The following ENPP6 variants were observed in gnomAD, a reference collection of about 807,000 sequenced individuals.
ENPP6 encodes glycerophosphocholine cholinephosphodiesterase ENPP6.
Under a neutral mutation model 42.0 loss-of-function variants are expected in ENPP6, and 32 were observed. The observed-to-expected ratio is 0.76, with a 90% CI of 0.58 to 1.02. ENPP6 has a LOEUF of 1.02. Ranked by LOEUF, ENPP6 falls within the 50% of genes least tolerant of loss-of-function variation. The pLI, the probability that ENPP6 is intolerant of heterozygous loss-of-function variation, is 0.00. For missense variants in ENPP6, 552 were observed against 566.8 expected (o/e 0.97, Z 0.27); for synonymous variants, 213 against 216.0 (o/e 0.99, Z 0.12).
chr4:184,112,426 GT>G (rs1385937063), intron 6 of ENPP6, among the ~76,000 whole-genome samples: 2 of 152,156 alleles, frequency 1.3e-5, no homozygotes, highest in Non-Finnish European at 2.9e-5. Flanking sequence ...GTTAATGCCC[GT>G]TTGTTAAAAC....
intron 1 of ENPP6, among the ~76,000 whole-genome samples, chr4:184,211,651 C>T (rs1253176394): frequency 6.6e-6 from 1 of 152,036 alleles, no homozygotes; most frequent in Non-Finnish European, 1.5e-5. Context: ...CTGAATTCTA[C>T]CAGAGGTACA....
chr4:184,141,204 C>T lies in ENPP6; in HGVS notation c.421+12350G>A, dbSNP rs573849685. On this transcript the variant is annotated intron_variant, in intron 2 of 7. Transcript: ENST00000296741. Reference sequence around the variant, plus strand: ...CTGGAGGGGGAGTGTTGTGTGAATCCCAGGAGGCAGCTGTCTAATCAGGAG... The same window carrying T: ...CTGGAGGGGGAGTGTTGTGTGAATCTCAGGAGGCAGCTGTCTAATCAGGAG... Among the ~76,000 whole-genome samples, 112 of 152,138 alleles carry T rather than the reference C, an allele frequency of 7.4e-4. 1 individual carries two copies. Among genetic ancestry groups the T allele is most frequent in the African/African-American group, 2.5e-3 (105 of 41,518 alleles).
chr4:184,131,226 CTT>C lies in ENPP6; in HGVS notation c.422-6956_422-6955del, dbSNP rs1185390395. 6.3e-4 allele frequency among the ~76,000 whole-genome samples: 43 copies of C among 68,554 alleles called. 2 individuals are homozygous for C. Among genetic ancestry groups the C allele is most frequent in the Admixed American group, 4.7e-3 (34 of 7,160 alleles). The allele number at this position is 68,554 out of a possible 152,430, so 45.0% of individuals were successfully genotyped here. On this transcript the variant is annotated intron_variant, in intron 2 of 7. Coordinates refer to ENST00000296741, the MANE Select transcript of ENPP6 (RefSeq NM_153343.4). ...CTTCTTTCTTTCTTTCTTTTTCTTT[CTT>C]TCTTTCCTTTTCTTTCTTTCTTTCT...
chr4:184,205,705 G>C (rs1229322472), intron 1 of ENPP6, among the ~76,000 whole-genome samples: 1 of 148,206 alleles, frequency 6.7e-6, no homozygotes, highest in East Asian at 1.9e-4. Flanking sequence ...CAGCGAGAGG[G>C]AGCTGGAGTA....
intron 1 of ENPP6, among the ~76,000 whole-genome samples, chr4:184,179,684 G>A (rs1732519749): frequency 6.7e-6 from 1 of 149,294 alleles, no homozygotes; most frequent in Non-Finnish European, 1.5e-5. Flanking sequence ...TCAGACAACA[G>A]CACAATCAAA....
At chr4:184,097,152 A>G in intron 7 of ENPP6, 93 bp downstream of exon 7, 5 of 1,554,646 alleles carry the variant, frequency 3.2e-6, no homozygotes, top group Non-Finnish European at 3.5e-6. Flanking sequence ...TCTGTAAGGA[A>G]ATCCCTGCAG....
intron 5 of ENPP6, among the ~76,000 whole-genome samples, chr4:184,113,758 A>C (rs1736253073): frequency 6.6e-6 from 1 of 152,192 alleles, no homozygotes; most frequent in Admixed American, 6.5e-5. Flanking sequence ...ATGAAGATGC[A>C]AACTTTGTAC....
intron 1 of ENPP6, among the ~76,000 whole-genome samples, chr4:184,172,917 T>G (rs1737493293): frequency 3.3e-5 from 5 of 152,078 alleles, no homozygotes; most frequent in South Asian, 2.1e-4. Context: ...GTTTGTTTGT[T>G]TGTGTGTTTT....
chr4:184,112,999 A>C lies in ENPP6; in HGVS notation c.856-190T>G, dbSNP rs369387797. Among the ~76,000 whole-genome samples the C allele has an allele frequency of 4.6e-5, 7 of 152,364 alleles. No homozygotes were observed. In the East Asian group the frequency reaches 1.2e-3, roughly 25 times the overall value. ...AAAAGCAAGGTGGCTTCATCCAGGA[A>C]GGCTGAAGATCCTCACACTCTCTCA... On this transcript the variant is annotated intron_variant, in intron 5 of 7. Coordinates refer to ENST00000296741, the MANE Select transcript of ENPP6 (RefSeq NM_153343.4).
At chr4:184,179,185 A>G (rs1245214925) in intron 1 of ENPP6, among the ~76,000 whole-genome samples, 3 of 152,238 alleles carry the variant, frequency 2.0e-5, no homozygotes, top group Non-Finnish European at 2.9e-5. Context: ...AGGAAAATTT[A>G]CCAACCAAAT....
rs1198777455 is a variant in ENPP6 at position 184,095,074 on chromosome 4, A to G, written c.1117+2171T>C. 1.3e-5 allele frequency among the ~76,000 whole-genome samples: 2 copies of G among 152,254 alleles called. 1 individual carries two copies. The highest frequency in any genetic ancestry group is 2.9e-5 in the Non-Finnish European group (2 of 68,044). On this transcript the variant is annotated intron_variant, in intron 7 of 7. Transcript: ENST00000296741. Reference sequence around the variant, plus strand: ...TCTTCTCAGTAAACAGCCAGTGTGTAAAGCTGTTTAATCTTTCATGAGAAC... The same window carrying G: ...TCTTCTCAGTAAACAGCCAGTGTGTGAAGCTGTTTAATCTTTCATGAGAAC...
chr4:184,127,825 A>G (rs6825330), intron 2 of ENPP6, among the ~76,000 whole-genome samples: 102,915 of 152,052 alleles, frequency 0.68, 35,139 homozygotes, highest in African/African-American at 0.73. Flanking sequence ...AAAATATTTT[A>G]TGGAAGAATA....
At chr4:184,111,108 C>G (rs6830766) in intron 6 of ENPP6, among the ~76,000 whole-genome samples, 51,740 of 151,930 alleles carry the variant, frequency 0.34, 9,922 homozygotes, top group East Asian at 0.53. Context: ...ACTCCCCTAC[C>G]TAAGCCTGTT....
intron 1 of ENPP6, among the ~76,000 whole-genome samples, chr4:184,155,441 C>G (rs1006831657): frequency 2.6e-5 from 4 of 152,058 alleles, no homozygotes; most frequent in African/African-American, 2.4e-5. Context: ...TCTCTGATGC[C>G]CTTCCAAGTG....
chr4:184,141,839 T>A (rs190248915), intron 2 of ENPP6, among the ~76,000 whole-genome samples: 20 of 152,378 alleles, frequency 1.3e-4, no homozygotes, highest in African/African-American at 4.8e-4. Flanking sequence ...TAGAAAATTA[T>A]TTTGATACAC....
At chr4:184,206,417 C>T (rs1409987670) in intron 1 of ENPP6, among the ~76,000 whole-genome samples, 2 of 113,640 alleles carry the variant, frequency 1.8e-5, no homozygotes, top group African/African-American at 3.5e-5. Flanking sequence ...GCCACCAGGC[C>T]CGGCTAATTT....
intron 1 of ENPP6, among the ~76,000 whole-genome samples, chr4:184,207,625 C>A (rs905587017): frequency 6.6e-6 from 1 of 152,254 alleles, no homozygotes; most frequent in Non-Finnish European, 1.5e-5. Context: ...TAGAGACACA[C>A]ACCACGCCGG....
At chr4:184,098,814 G>A (rs892088638) in intron 6 of ENPP6, among the ~76,000 whole-genome samples, 8 of 152,132 alleles carry the variant, frequency 5.3e-5, no homozygotes, top group South Asian at 2.1e-4. Context: ...CTAAGACCTC[G>A]CCAAGGACGA....
intron 2 of ENPP6, among the ~76,000 whole-genome samples, chr4:184,138,366 T>C (rs752884945): frequency 2.0e-5 from 3 of 152,210 alleles, no homozygotes; most frequent in Non-Finnish European, 2.9e-5. Context: ...GAAAACAACA[T>C]TTCAGCTGAC....
Sources: gnomAD v4.1 joint callset for allele counts (sites outside exome capture counted in the v4.1 genomes callset) on GRCh38, gnomAD v4.1.1 for gene constraint, MANE v1.5 for transcripts, NCBI Gene and HGNC (gene_info 2026-07-23, HGNC 2026-07-21) for gene names.